The following VPS13B variants were observed in gnomAD, a reference collection of about 807,000 sequenced individuals.
The protein encoded by VPS13B is intermembrane lipid transfer protein VPS13B.
A neutral mutation model predicts 426.4 loss-of-function variants in VPS13B; 285 were observed. The observed-to-expected ratio is 0.67, with a 90% confidence interval of 0.61 to 0.74. The LOEUF (loss-of-function observed/expected upper bound fraction) is 0.74, where lower values mean the gene tolerates loss of function less well. VPS13B is among the 30% of genes least tolerant of loss of function. The pLI, the probability that VPS13B is intolerant of heterozygous loss-of-function variation, is 0.00. For synonymous variants in VPS13B, 1,676 were observed against 1,676.4 expected (o/e 1.00, Z 0.01); for missense variants, 4,537 against 4,782.6 (o/e 0.95, Z 1.51).
chr8:99,332,001 T>G (rs1205777627), intron 19 of VPS13B, among the ~76,000 whole-genome samples: 1 of 151,802 alleles, frequency 6.6e-6, no homozygotes, highest in African/African-American at 2.4e-5. Flanking sequence ...TCAAAATCAT[T>G]TTTTCAGAAA....
At chr8:99,628,581 A>G (rs1458090202) in intron 33 of VPS13B, among the ~76,000 whole-genome samples, 1 of 152,202 alleles carries the variant, frequency 6.6e-6, no homozygotes, top group Non-Finnish European at 1.5e-5. Context: ...CCCTACAATT[A>G]AGGATATTGC....
At chr8:99,826,725 T>C (rs976953238) in intron 51 of VPS13B, among the ~76,000 whole-genome samples, 2 of 152,216 alleles carry the variant, frequency 1.3e-5, no homozygotes, top group African/African-American at 4.8e-5. Flanking sequence ...ATAGCTCTTA[T>C]TAGTTTGAGA....
chr8:99,715,018 A>C (rs1832855942), intron 36 of VPS13B, among the ~76,000 whole-genome samples: 1 of 152,158 alleles, frequency 6.6e-6, no homozygotes, highest in Non-Finnish European at 1.5e-5. Flanking sequence ...AGCTAGGTGA[A>C]GGGTGTACAG....
At chr8:99,558,562 C>A (rs909067805) in intron 31 of VPS13B, among the ~76,000 whole-genome samples, 5 of 151,984 alleles carry the variant, frequency 3.3e-5, no homozygotes, top group Non-Finnish European at 5.9e-5. Context: ...CTCCCCCCTA[C>A]CCCCACCCCA....
chr8:99,652,540 A>G (rs1829861905), intron 34 of VPS13B, among the ~76,000 whole-genome samples: 1 of 152,008 alleles, frequency 6.6e-6, no homozygotes. Context: ...TTTCAGTTAC[A>G]GTAATTGAGG....
Position 99,754,168 on chromosome 8 carries a change from A to C in VPS13B, c.7051-12606A>C, listed in dbSNP as rs1263650080. The stretch of plus-strand genomic sequence containing the variant: ...TCTTTTCCTTCTTCAAAATCAACTA[A>C]AAAGCAGATACATATAAAAAGAAAT... On this transcript the variant is annotated intron_variant, in intron 39 of 61. Coordinates refer to ENST00000357162, the MANE Select transcript of VPS13B (RefSeq NM_152564.5). Among the ~76,000 whole-genome samples, 5 of 151,686 alleles carry C rather than the reference A, an allele frequency of 3.3e-5. No individual in the cohort carries two copies. The East Asian group carries it at 9.7e-4, about 29-fold the overall frequency.
intron 42 of VPS13B, among the ~76,000 whole-genome samples, chr8:99,780,176 C>G (rs1251466872): frequency 1.3e-5 from 2 of 151,880 alleles, no homozygotes; most frequent in East Asian, 3.8e-4. Context: ...CTAGTGTGAT[C>G]TAAATCTTTG....
intron 15 of VPS13B, among the ~76,000 whole-genome samples, chr8:99,165,480 T>C (rs1309588258): frequency 6.6e-6 from 1 of 152,202 alleles, no homozygotes; most frequent in Non-Finnish European, 1.5e-5. Flanking sequence ...TTTGGTAATG[T>C]GACTGCGTTG....
At chr8:99,667,633 G>T (rs1415462905) in intron 35 of VPS13B, among the ~76,000 whole-genome samples, 1 of 152,072 alleles carries the variant, frequency 6.6e-6, no homozygotes, top group Non-Finnish European at 1.5e-5. Flanking sequence ...CCTACTGTAA[G>T]CAATTTGTGA....
chr8:99,815,646 A>G (rs1191836342), intron 44 of VPS13B, among the ~76,000 whole-genome samples: 6 of 146,738 alleles, frequency 4.1e-5, no homozygotes, highest in Non-Finnish European at 7.5e-5. Context: ...AGACTTGTAC[A>G]TATACTGTGT....
chr8:99,295,974 A>G (rs1820014766), intron 19 of VPS13B, among the ~76,000 whole-genome samples: 1 of 152,190 alleles, frequency 6.6e-6, no homozygotes, highest in South Asian at 2.1e-4. Flanking sequence ...TCAAGGCTGC[A>G]GTGAGCTCTG....
intron 33 of VPS13B, among the ~76,000 whole-genome samples, chr8:99,601,737 T>G (rs1479938642): frequency 4.6e-5 from 7 of 152,246 alleles, no homozygotes; most frequent in Non-Finnish European, 8.8e-5. Flanking sequence ...GATTTGCATT[T>G]CTTTAATCAC....
At chr8:99,096,628 C>T (rs1395688643) in intron 4 of VPS13B, among the ~76,000 whole-genome samples, 196 bp downstream of exon 4, 1 of 151,672 alleles carries the variant, frequency 6.6e-6, no homozygotes, top group Non-Finnish European at 1.5e-5. Flanking sequence ...TGGTGGTGTG[C>T]ACCTGTAATC....
Position 99,103,169 on chromosome 8 carries a change from T to C in VPS13B, c.580+49T>C, listed in dbSNP as rs1345093328. Reference sequence around the variant, plus strand: ...TATATTTTTCCATAATTGAAACAATTACCTTAACTCTTAACCCTTCTTTGG... The same window carrying C: ...TATATTTTTCCATAATTGAAACAATCACCTTAACTCTTAACCCTTCTTTGG... On this transcript the variant is annotated intron_variant, in intron 5 of 61. Transcript: ENST00000357162. 3 of 1,599,458 alleles carry C rather than the reference T, an allele frequency of 1.9e-6. No homozygotes were observed. In the Admixed American group the frequency reaches 5.0e-5, roughly 27 times the overall value.
chr8:99,682,219 A>G (rs1588618896), intron 35 of VPS13B, among the ~76,000 whole-genome samples: 2 of 152,074 alleles, frequency 1.3e-5, no homozygotes. Flanking sequence ...AATCCCAGCA[A>G]TTTGGGAGGC....
intron 39 of VPS13B, among the ~76,000 whole-genome samples, chr8:99,729,537 T>C (rs1833502045): frequency 6.6e-6 from 1 of 152,242 alleles, no homozygotes; most frequent in Admixed American, 6.5e-5. Flanking sequence ...CTTTCTTGAC[T>C]AGTGCTTGCT....
intron 44 of VPS13B, among the ~76,000 whole-genome samples, chr8:99,813,619 A>T (rs1813853683): frequency 6.6e-6 from 1 of 152,224 alleles, no homozygotes; most frequent in South Asian, 2.1e-4. Context: ...TTATTGTGAA[A>T]GCATAGTTTT....
rs1199396440 is a variant in VPS13B at position 99,828,416 on chromosome 8, T to G, written c.9331-3953T>G. Among the ~76,000 whole-genome samples the G allele has an allele frequency of 1.4e-4, 17 of 118,420 alleles. 1 individual carries two copies. Among genetic ancestry groups the G allele is most frequent in the South Asian group, 9.6e-4 (3 of 3,138 alleles). The allele number at this position is 118,420 out of a possible 152,430, so 77.7% of individuals were successfully genotyped here. On this transcript the variant is annotated intron_variant, in intron 51 of 61. Transcript: ENST00000357162. ...ACCGTTTTTTTTTTTTTTTTTTTTTTTTTTTTTTTTTTTTTTTTGCTTTCC... is the reference window on the plus strand; with the variant it reads ...ACCGTTTTTTTTTTTTTTTTTTTTTGTTTTTTTTTTTTTTTTTTGCTTTCC...
chr8:99,870,782 C>T lies in VPS13B; in HGVS notation c.11393-3C>T. 1 of 1,614,020 alleles carries T rather than the reference C, an allele frequency of 6.2e-7. No homozygotes were observed. Among genetic ancestry groups the T allele is most frequent in the Non-Finnish European group, 8.5e-7 (1 of 1,179,858 alleles). Reference sequence around the variant, plus strand: ...TAAAACTCCCTTACTTCTCTTACCACAGGTATTTTACATGGAGCTGGACTT... The same window carrying T: ...TAAAACTCCCTTACTTCTCTTACCATAGGTATTTTACATGGAGCTGGACTT... On this transcript the variant is annotated splice_region_variant and splice_polypyrimidine_tract_variant and intron_variant, in intron 59 of 61. Coordinates refer to ENST00000357162, the MANE Select transcript of VPS13B (RefSeq NM_152564.5).
Sources: gnomAD v4.1 joint callset for allele counts (sites outside exome capture counted in the v4.1 genomes callset) on GRCh38, gnomAD v4.1.1 for gene constraint, MANE v1.5 for transcripts, NCBI Gene and HGNC (gene_info 2026-07-23, HGNC 2026-07-21) for gene names.